Variants in CCDC39 observed in about 807,000 individuals in gnomAD.
CCDC39 encodes the protein coiled-coil domain 39 molecular ruler complex subunit, also known as coiled-coil domain-containing protein 39.
CCDC39 carries 113 observed loss-of-function variants against 121.0 expected under a neutral mutation model. The ratio of observed to expected loss-of-function variants is 0.93; its 90% CI spans 0.80 to 1.09. The LOEUF is 1.09. Ranked by LOEUF, CCDC39 falls within the 50% of genes least tolerant of loss-of-function variation. CCDC39 has a pLI of 0.00. For synonymous variants in CCDC39, 349 were observed against 352.2 expected, an observed-to-expected ratio of 0.99 and a Z score of 0.10; for missense variants, 1,063 against 1,074.7, an observed-to-expected ratio of 0.99 and a Z score of 0.15.
chr3:180,647,845 A>G (rs529819031), intron 10 of CCDC39, among the ~76,000 whole-genome samples: 1 of 152,144 alleles, frequency 6.6e-6, no homozygotes, highest in South Asian at 2.1e-4. Context: ...AAGAATCAAC[A>G]TACAGTTTTT....
At chr3:180,652,801 T>C (rs920559484) in intron 7 of CCDC39, among the ~76,000 whole-genome samples, 6 of 152,086 alleles carry the variant, frequency 3.9e-5, no homozygotes, top group Admixed American at 1.3e-4. Context: ...CAGAACAAAT[T>C]CAGTAAGGTT....
At position 180,663,923 on chromosome 3, in the gene CCDC39, T is replaced by G; in HGVS notation, c.154A>C (p.Ile52Leu). ...TTGAAGTGAGAAGTCATAGAATTAA[T>G]TCGCTCTTCATACTCACGTAACTCA... ...QDELREYEER[I>L]NSMTSHFKNV... Residue 52 changes from isoleucine (I) to leucine (L), a missense_variant, in exon 2 of 20, where the codon ATT (isoleucine) becomes CTT (leucine). Ile to Leu is a conservative substitution (Grantham distance 5). Coordinates refer to ENST00000476379, the MANE Select transcript of CCDC39 (RefSeq NM_181426.2). 6.2e-7 allele frequency: 1 copy of G among 1,612,224 alleles called. No individual in the cohort carries two copies. The highest frequency in any genetic ancestry group is 8.5e-7 in the Non-Finnish European group (1 of 1,178,930).
At chr3:180,667,600 C>T (rs1272785643) in intron 1 of CCDC39, among the ~76,000 whole-genome samples, 1 of 152,036 alleles carries the variant, frequency 6.6e-6, no homozygotes, top group Non-Finnish European at 1.5e-5. Flanking sequence ...TGAACTTAAT[C>T]AAAAAATGTT....
At chr3:180,677,707 T>C (rs1207607808) in intron 1 of CCDC39, among the ~76,000 whole-genome samples, 2 of 152,168 alleles carry the variant, frequency 1.3e-5, no homozygotes, top group African/African-American at 2.4e-5. Flanking sequence ...ACCGCATATA[T>C]ATAATTCCAT....
chr3:180,619,511 G>T, intron 15 of CCDC39, 146 bp from the exon 16 acceptor site: 1 of 619,938 alleles, frequency 1.6e-6, no homozygotes. Flanking sequence ...TGGGCATGTA[G>T]TAGCCATTTC....
chr3:180,665,555 T>C (rs1711853127), intron 1 of CCDC39, among the ~76,000 whole-genome samples: 1 of 152,112 alleles, frequency 6.6e-6, no homozygotes, highest in Non-Finnish European at 1.5e-5. Context: ...AAACTTTTAA[T>C]TCCCTCTCGT....
chr3:180,650,205 T>C (rs987557218), intron 9 of CCDC39, among the ~76,000 whole-genome samples: 3 of 152,182 alleles, frequency 2.0e-5, no homozygotes, highest in African/African-American at 7.2e-5. Context: ...CTTTTCCAGT[T>C]CCTCAAAAAT....
intron 1 of CCDC39, among the ~76,000 whole-genome samples, chr3:180,666,914 T>C (rs1463483112): frequency 6.6e-6 from 1 of 151,828 alleles, no homozygotes; most frequent in Non-Finnish European, 1.5e-5. Flanking sequence ...GGAGAAGATA[T>C]TTTACCCCTA....
At chr3:180,654,715 G>T in intron 7 of CCDC39, 47 bp downstream of exon 7, 2 of 1,243,480 alleles carry the variant, frequency 1.6e-6, no homozygotes, top group Non-Finnish European at 2.2e-6. Flanking sequence ...ATATTTTATA[G>T]TGATTTGTCG....
chr3:180,668,130 T>C (rs1320639838), intron 1 of CCDC39, among the ~76,000 whole-genome samples: 11 of 152,036 alleles, frequency 7.2e-5, no homozygotes, highest in Admixed American at 7.2e-4. Flanking sequence ...GTAATCCCAA[T>C]ATGTTGGGAG....
rs567452901 is a variant in CCDC39, at chr3:180,674,602, A to G, written c.90+4689T>C. On this transcript the variant is annotated intron_variant, in intron 1 of 19. Transcript: ENST00000476379. ...CCAGTTTTTGCCCATTCAGTATGAT[A>G]TTAGCTGTGGGTTTGTCATAAATAG... 3.3e-5 allele frequency among the ~76,000 whole-genome samples: 5 copies of G among 152,308 alleles called. No homozygotes were observed. In the East Asian group the frequency reaches 5.8e-4, roughly 18 times the overall value.
chr3:180,642,780 C>T (rs939291175), intron 12 of CCDC39, among the ~76,000 whole-genome samples: 2 of 151,754 alleles, frequency 1.3e-5, no homozygotes, highest in Non-Finnish European at 2.9e-5. Flanking sequence ...ATCAACGTAA[C>T]TACTAGAAAT....
chr3:180,660,835 G>T, intron 3 of CCDC39, 107 bp from the exon 4 acceptor site: 1 of 889,018 alleles, frequency 1.1e-6, no homozygotes, highest in African/African-American at 1.7e-5. Flanking sequence ...TTAAAAATGA[G>T]GAAATCCTGT....
At chr3:180,626,614 C>T (rs1404972256) in intron 14 of CCDC39, among the ~76,000 whole-genome samples, 3 of 152,190 alleles carry the variant, frequency 2.0e-5, no homozygotes, top group African/African-American at 7.2e-5. Flanking sequence ...GCAGCAATGT[C>T]AACCTGCACT....
chr3:180,652,340 T>G (rs530450945), intron 7 of CCDC39, 74 bp from the exon 8 acceptor site: 1 of 913,258 alleles, frequency 1.1e-6, no homozygotes, highest in Non-Finnish European at 1.6e-6. Context: ...CTGAGTTTTA[T>G]TCTGCCCACT....
At chr3:180,634,552 A>C (rs1411050601) in intron 13 of CCDC39, among the ~76,000 whole-genome samples, 2 of 152,094 alleles carry the variant, frequency 1.3e-5, no homozygotes, top group African/African-American at 4.8e-5. Context: ...TACCTTATTC[A>C]GCTGCCTCCA....
chr3:180,667,039 GT>G (rs1007035004), intron 1 of CCDC39, among the ~76,000 whole-genome samples: 3 of 151,570 alleles, frequency 2.0e-5, no homozygotes, highest in Admixed American at 1.3e-4. Flanking sequence ...TACTTTCAGA[GT>G]TTTTTTTTAA....
rs1712325139 is a variant in CCDC39 at position 180,679,299 on chromosome 3, C to T, written c.82G>A (p.Glu28Lys). ...PVANEENKLL[E>K]DQLSKLKDER... is the part of the protein sequence containing the mutation. ...GCTTCAATTGATCTCACCTGATCTT[C>T]CAGTAGCTTGTTCTCCTCGTTCGCC... Residue 28 changes from glutamate (E) to lysine (K), a missense_variant, in exon 1 of 20, where the codon GAA (glutamate) becomes AAA (lysine). Coordinates refer to ENST00000476379, the MANE Select transcript of CCDC39 (RefSeq NM_181426.2). The surrounding 1 kb of genome is among the most constrained non-coding windows in gnomAD (Gnocchi z 4.0). The T allele has an allele frequency of 6.2e-7, 1 of 1,613,642 alleles. No homozygotes were observed. The highest frequency in any genetic ancestry group is 1.3e-5 in the African/African-American group (1 of 74,936).
intron 6 of CCDC39, among the ~76,000 whole-genome samples, chr3:180,656,663 G>A (rs1196680576): frequency 1.3e-5 from 2 of 152,132 alleles, no homozygotes; most frequent in Non-Finnish European, 2.9e-5. Flanking sequence ...CAGGAGGTTG[G>A]CTCAAGATAC....
Sources: allele counts gnomAD v4.1 joint callset (sites outside exome capture counted in the v4.1 genomes callset), GRCh38; gene constraint gnomAD v4.1.1; non-coding constraint Gnocchi (gnomAD v3.1); transcripts MANE v1.5; gene names NCBI Gene and HGNC (gene_info 2026-07-23, HGNC 2026-07-21).